The following TANGO2 variants were observed in gnomAD, a reference collection of about 807,000 sequenced individuals.
TANGO2 encodes the protein transport and Golgi organization protein 2 homolog.
TANGO2 carries 26 observed loss-of-function variants against 39.1 expected under a neutral mutation model. That is an observed-to-expected ratio of 0.67 (90% CI 0.49 to 0.92). The LOEUF (loss-of-function observed/expected upper bound fraction) is 0.92. TANGO2 is among the 40% of genes least tolerant of loss of function. The probability of loss-of-function intolerance (pLI) is 0.00; values close to 1 mark genes in which losing one functional copy is unlikely to be tolerated. For synonymous variants in TANGO2, 131 were observed against 144.5 expected (o/e 0.91, Z 0.67); for missense variants, 326 against 360.1 (o/e 0.91, Z 0.77).
At chr22:20,021,467 G>A (rs1468878341) in intron 1 of TANGO2, among the ~76,000 whole-genome samples, 1 of 152,232 alleles carries the variant, frequency 6.6e-6, no homozygotes, top group Non-Finnish European at 1.5e-5. Context: ...GAGATCGGCA[G>A]GGTTGGGAGC....
At chr22:20,027,209 G>C (rs1035454273) in intron 1 of TANGO2, among the ~76,000 whole-genome samples, 2 of 152,172 alleles carry the variant, frequency 1.3e-5, no homozygotes, top group Non-Finnish European at 2.9e-5. Flanking sequence ...ACAGCACCGG[G>C]GGGGATGGTG....
At chr22:20,053,367 C>T (rs1401209182) in intron 4 of TANGO2, 70 bp from the exon 5 acceptor site, 3 of 1,130,062 alleles carry the variant, frequency 2.7e-6, no homozygotes, top group Non-Finnish European at 4.0e-6. Flanking sequence ...CAGGGGGCCC[C>T]ATATCAGTGT....
intron 3 of TANGO2, among the ~76,000 whole-genome samples, chr22:20,049,632 C>T (rs1302384628): frequency 6.7e-6 from 1 of 150,102 alleles, no homozygotes; most frequent in African/African-American, 2.5e-5. Context: ...TGCACTCCAG[C>T]CTGGGTAACA....
chr22:20,056,179 T>G, intron 6 of TANGO2, 166 bp downstream of exon 6: 1 of 710,578 alleles, frequency 1.4e-6, no homozygotes, highest in Non-Finnish European at 2.6e-6. Flanking sequence ...ACCTGGACAC[T>G]TCAGAGAGCC....
intron 1 of TANGO2, among the ~76,000 whole-genome samples, chr22:20,035,853 T>A (rs2042743994): frequency 6.6e-6 from 1 of 152,162 alleles, no homozygotes; most frequent in Admixed American, 6.5e-5. Context: ...CAGTGGTCTA[T>A]TTCCAAGACA....
chr22:20,052,474 T>C lies in TANGO2; in HGVS notation c.155T>C (p.Met52Thr), dbSNP rs542128840. 3.7e-6 allele frequency: 6 copies of C among 1,602,334 alleles called. No individual in the cohort carries two copies. The highest frequency in any genetic ancestry group is 5.1e-6 in the Non-Finnish European group (6 of 1,174,662). ...CTGTCATCTGCCACAGGGCTGGACA[T>C]GGAGGAAGGCAAGGAAGGAGGCACA... ...NNNEILSGLD[M>T]EEGKEGGTWL... The change falls in exon 4 of 9, where the codon ATG (methionine) becomes ACG (threonine). Residue 52 changes from methionine to threonine, a missense_variant. Met to Thr is a moderately conservative substitution (Grantham distance 81). Coordinates refer to ENST00000327374, the MANE Select transcript of TANGO2 (RefSeq NM_152906.7).
At chr22:20,054,664 A>G (rs533977539) in intron 5 of TANGO2, 2 of 152,898 alleles carry the variant, frequency 1.3e-5, no homozygotes, top group Middle Eastern at 3.4e-3. Flanking sequence ...CCAGGAGAGC[A>G]TACCACAGGT....
In TANGO2 at chr22:20,064,635, A is replaced by C; in HGVS notation, c.804A>C (p.Arg268Ser). 6.2e-7 allele frequency: 1 copy of C among 1,614,130 alleles called. No homozygotes were observed. The highest frequency in any genetic ancestry group is 8.5e-7 in the Non-Finnish European group (1 of 1,179,984). ...AGGACCTCTCCCACTGGGAGACCAG[A>C]ACCTATGAGTTCACACTGCAGAGCT... ...MDKDLSHWET[R>S]TYEFTLQS The change falls in exon 9 of 9, where the codon AGA becomes AGC. Residue 268 changes from arginine to serine, a missense_variant. Physicochemically the swap from Arg to Ser is moderately radical, Grantham distance 110. Transcript: ENST00000327374.
intron 1 of TANGO2, among the ~76,000 whole-genome samples, chr22:20,022,846 G>A (rs886364989): frequency 3.2e-4 from 49 of 152,238 alleles, no homozygotes; most frequent in African/African-American, 1.2e-3. Flanking sequence ...AAGACTTCTC[G>A]AAGTAGGGCC....
chr22:20,058,680 T>C lies in TANGO2; in HGVS notation c.451+2667T>C, dbSNP rs1423666895. ...ACAAAGAAAAACTCACCAGCATGGC[T>C]AAATGATAGAAAGGAGAGTTTTATT... is the stretch of plus-strand genomic sequence containing the variant. On this transcript the variant is annotated intron_variant, in intron 6 of 8. Transcript: ENST00000327374. Among the ~76,000 whole-genome samples, 3 of 151,150 alleles carry C rather than the reference T, an allele frequency of 2.0e-5. No homozygotes were observed. In the East Asian group the frequency reaches 5.8e-4, roughly 29 times the overall value.
At chr22:20,028,449 C>T (rs2041209970) in intron 1 of TANGO2, among the ~76,000 whole-genome samples, 1 of 152,172 alleles carries the variant, frequency 6.6e-6, no homozygotes, top group South Asian at 2.1e-4. Context: ...GAAATGTTTC[C>T]CTCCAGAATG....
intron 1 of TANGO2, among the ~76,000 whole-genome samples, chr22:20,034,194 A>AAC (rs2042399312): frequency 5.3e-5 from 3 of 56,946 alleles, no homozygotes; most frequent in Non-Finnish European, 1.2e-4. Flanking sequence ...AGCAAAAACA[A>AAC]AACAACAACA....
rs181719583 is a variant in TANGO2, at chr22:20,029,848, G to A, written c.-39-6912G>A. On this transcript the variant is annotated intron_variant, in intron 1 of 8. Coordinates refer to ENST00000327374, the MANE Select transcript of TANGO2 (RefSeq NM_152906.7). The stretch of plus-strand genomic sequence containing the variant: ...AGCTGTCTGGGCTGCAGGGAGGCAG[G>A]GTGCCTGGCCCAACTGGAGATGGCA... Among the ~76,000 whole-genome samples the A allele has an allele frequency of 2.3e-3, 357 of 152,342 alleles. 1 individual carries two copies. The highest frequency in any genetic ancestry group is 0.013 in the South Asian group (64 of 4,826).
chr22:20,030,472 A>G (rs1239908723), intron 1 of TANGO2, among the ~76,000 whole-genome samples: 1 of 151,918 alleles, frequency 6.6e-6, no homozygotes, highest in Non-Finnish European at 1.5e-5. Flanking sequence ...TCAGCCTCCC[A>G]AGTAGCTGGG....
intron 2 of TANGO2, among the ~76,000 whole-genome samples, chr22:20,041,178 G>T (rs970917037): frequency 2.6e-5 from 4 of 152,210 alleles, no homozygotes; most frequent in Non-Finnish European, 5.9e-5. Flanking sequence ...ATGGAGTTTC[G>T]TTCTGTCGCC....
rs1569268412 is a variant in TANGO2, at chr22:20,038,935, T to TA, written c.56+2081_56+2082insA. Among the ~76,000 whole-genome samples the TA allele has an allele frequency of 3.8e-3, 570 of 150,458 alleles. 8 individuals carry two copies. The highest frequency in any genetic ancestry group is 0.013 in the African/African-American group (539 of 40,840). On this transcript the variant is annotated intron_variant, in intron 2 of 8. Transcript: ENST00000327374. ...GCTTTAGGCCACTATGTTTTTTTTT[T>TA]TTATTATTATTATTATTATTTTAGA...
chr22:20,042,899 C>G (rs912813465), intron 2 of TANGO2, among the ~76,000 whole-genome samples: 118 of 152,314 alleles, frequency 7.7e-4, no homozygotes, highest in African/African-American at 2.7e-3. Context: ...TGGAGCAGCC[C>G]TCAGAGGCCC....
At chr22:20,021,960 ATGCCC>A (rs2146623083) in intron 1 of TANGO2, among the ~76,000 whole-genome samples, 1 of 152,318 alleles carries the variant, frequency 6.6e-6, no homozygotes, top group Admixed American at 6.5e-5. Context: ...GGAATGTCAC[ATGCCC>A]TGCCCTGGCC....
Position 20,057,076 on chromosome 22 carries a change from G to T in TANGO2, c.451+1063G>T. 2.4e-6 allele frequency: 1 copy of T among 417,384 alleles called. No homozygotes were observed. The highest frequency in any genetic ancestry group is 4.8e-6 in the Non-Finnish European group (1 of 206,566). The allele number at this position is 417,384 out of a possible 1,614,324, so 25.9% of individuals were successfully genotyped here. ...TTGGCACAAATCACCAAGTGAGGTT[G>T]CAGGTCACAGGTGCACACCTTCCCA... On this transcript the variant is annotated intron_variant, in intron 6 of 8. Transcript: ENST00000327374. This position sits in a 1 kb window ranked among gnomAD's most constrained non-coding sequence, Gnocchi z 4.1.
Sources: gnomAD v4.1 joint callset for allele counts (sites outside exome capture counted in the v4.1 genomes callset) on GRCh38, gnomAD v4.1.1 for gene constraint, Gnocchi (gnomAD v3.1) non-coding constraint, MANE v1.5 for transcripts, NCBI Gene and HGNC (gene_info 2026-07-23, HGNC 2026-07-21) for gene names.